MAPK9: variants seen among roughly 807,000 people sequenced by gnomAD.
MAPK9 encodes mitogen-activated protein kinase 9.
Under a neutral mutation model 57.1 loss-of-function variants are expected in MAPK9, and 30 were observed. The ratio of observed to expected loss-of-function variants is 0.53; its 90% confidence interval spans 0.39 to 0.71. The LOEUF (loss-of-function observed/expected upper bound fraction) is 0.71, where lower values mean the gene tolerates loss of function less well. MAPK9 is among the 30% of genes least tolerant of loss of function. The probability of loss-of-function intolerance (pLI) is 0.00; values close to 1 mark genes in which losing one functional copy is unlikely to be tolerated. For missense variants in MAPK9, 362 were observed against 521.0 expected (o/e 0.69, Z 2.97); for synonymous variants, 155 against 177.0 (o/e 0.88, Z 0.99).
chr5:180,268,033 C>T, intron 3 of MAPK9, among the ~76,000 whole-genome samples: 1 of 151,980 alleles, frequency 6.6e-6, no homozygotes. Context: ...ACCATGTTAG[C>T]CAGGATGGTC....
At chr5:180,253,961 C>CCCT (rs1758988333) in intron 5 of MAPK9, among the ~76,000 whole-genome samples, 1 of 77,784 alleles carries the variant, frequency 1.3e-5, no homozygotes, top group East Asian at 4.3e-4. Context: ...ATGCTTCAAT[C>CCCT]TCTTTTTTTT....
At chr5:180,267,262 A>G (rs1760666907) in intron 3 of MAPK9, among the ~76,000 whole-genome samples, 1 of 152,072 alleles carries the variant, frequency 6.6e-6, no homozygotes, top group Admixed American at 6.5e-5. Context: ...AAATTTTTTA[A>G]ATAAGTAAGT....
At chr5:180,267,561 CAAAA>C (rs34776289) in intron 3 of MAPK9, among the ~76,000 whole-genome samples, 2 of 89,858 alleles carry the variant, frequency 2.2e-5, no homozygotes, top group African/African-American at 4.4e-5. Flanking sequence ...GACTCCGTCT[CAAAA>C]AAAAAAAAAA....
At chr5:180,263,315 CCCTT>C (rs1452583255) in intron 4 of MAPK9, among the ~76,000 whole-genome samples, 2 of 152,162 alleles carry the variant, frequency 1.3e-5, no homozygotes, top group African/African-American at 4.8e-5. Context: ...TCCCCTCTCA[CCCTT>C]CCTATTACCC....
rs1191259803 is a variant in MAPK9, at chr5:180,235,401, G to A, written c.*983C>T. On this transcript the variant is annotated 3_prime_UTR_variant, in exon 12 of 12. Transcript: ENST00000452135. ...GAAGGTAAATAAAGGACCCAGGCCA[G>A]TCTGTGGCAAAGGAAGCACTTAGGA... 2 of 152,230 alleles carry A rather than the reference G, an allele frequency of 1.3e-5. No homozygotes were observed. Among genetic ancestry groups the A allele is most frequent in the Admixed American group, 6.5e-5 (1 of 15,286 alleles). The allele number at this position is 152,230 out of a possible 1,614,324, so 9.4% of individuals were successfully genotyped here.
At position 180,235,543 on chromosome 5, in the gene MAPK9, TA is replaced by T. The variant is rs1757111843; in HGVS notation, c.*840del. 6.6e-6 allele frequency: 1 copy of T among 152,164 alleles called. No homozygotes were observed. The highest frequency in any genetic ancestry group is 1.5e-5 in the Non-Finnish European group (1 of 68,022). 9.4% of individuals were successfully genotyped at this position (152,164 alleles called of 1,614,324 possible). A position where few individuals can be genotyped will look rare whatever the true frequency, so the allele number is the denominator to read the frequency against. On this transcript the variant is annotated 3_prime_UTR_variant, in exon 12 of 12. Coordinates refer to ENST00000452135, the MANE Select transcript of MAPK9 (RefSeq NM_002752.5). ...TTAAGATGGAGTGTTACGCACCTAA[TA>T]AAGAAGGTGAAGTTCTAGGTAGCAT...
chr5:180,286,638 A>G (rs1412653664), intron 1 of MAPK9, among the ~76,000 whole-genome samples: 1 of 148,976 alleles, frequency 6.7e-6, no homozygotes, highest in Non-Finnish European at 1.5e-5. Flanking sequence ...GATCTCCGTC[A>G]CCAGCCCCAC....
chr5:180,273,070 T>G (rs1761491320), intron 2 of MAPK9, among the ~76,000 whole-genome samples: 1 of 152,224 alleles, frequency 6.6e-6, no homozygotes, highest in African/African-American at 2.4e-5. Context: ...CAGCTTAGTT[T>G]CTAACCATTC....
intron 5 of MAPK9, among the ~76,000 whole-genome samples, chr5:180,259,644 C>G (rs1446391755): frequency 6.6e-6 from 1 of 151,918 alleles, no homozygotes; most frequent in Non-Finnish European, 1.5e-5. Context: ...GGAATGTGGT[C>G]AAGTCTCCAG....
At chr5:180,281,169 C>T (rs757376187) in intron 1 of MAPK9, among the ~76,000 whole-genome samples, 25 of 152,366 alleles carry the variant, frequency 1.6e-4, no homozygotes, top group Non-Finnish European at 2.9e-4. Context: ...TGCCCAAGCA[C>T]GTGCTCCTGC....
Position 180,236,469 on chromosome 5 carries a change from G to A in MAPK9, c.1190C>T (p.Ser397Leu). The A allele has an allele frequency of 6.2e-7, 1 of 1,614,144 alleles. No homozygotes were observed. The highest frequency in any genetic ancestry group is 2.2e-5 in the East Asian group (1 of 44,890). Residue 397 changes from serine (S) to leucine (L), a missense_variant, in exon 12 of 12, where the codon TCA becomes TTA. By Grantham distance (145) the Ser-to-Leu change is moderately radical (BLOSUM62 -2). Around this residue, in one of 3 missense-constraint regions of MAPK9, gnomAD observed 199 missense variants for 251.3 expected, o/e 0.79. Transcript: ENST00000452135. ...PSQSSSINDI[S>L]SMSTEQTLAS... ...CAGCGTCTGCTCAGTGGACATGGAT[G>A]AAATGTCATTGATCGATGAAGACTG...
In MAPK9 at chr5:180,247,952, C is replaced by A. The variant is rs1461047120; in HGVS notation, c.617-442G>T. ...CTACCAAACACCAGGGGATTAAAAA[C>A]CAGCTAGAGTCCCCCATCTTTTTTC... On this transcript the variant is annotated intron_variant, in intron 6 of 11. Transcript: ENST00000452135. The surrounding 1 kb of genome is among the most constrained non-coding windows in gnomAD (Gnocchi z 4.5). 1 of 1,607,398 alleles carries A rather than the reference C, an allele frequency of 6.2e-7. No homozygotes were observed.
intron 1 of MAPK9, 141 bp from the exon 2 acceptor site, chr5:180,280,749 G>T: frequency 1.6e-6 from 1 of 611,068 alleles, no homozygotes; most frequent in Non-Finnish European, 2.6e-6. Flanking sequence ...CTGAACTTAA[G>T]CAAGACACAA....
intron 6 of MAPK9, chr5:180,248,051 AC>A (rs2127581925): frequency 1.3e-6 from 1 of 774,472 alleles, no homozygotes; most frequent in Non-Finnish European, 2.1e-6. Flanking sequence ...CGTTGTTGAT[AC>A]CACACCTCCT....
intron 2 of MAPK9, among the ~76,000 whole-genome samples, chr5:180,270,334 T>C (rs897593732): frequency 1.3e-5 from 2 of 152,248 alleles, no homozygotes; most frequent in African/African-American, 4.8e-5. Context: ...TGTTTTAAAG[T>C]TGAAGGCTAT....
chr5:180,265,722 C>A (rs369661372), intron 3 of MAPK9, among the ~76,000 whole-genome samples: 1 of 152,168 alleles, frequency 6.6e-6, no homozygotes, highest in Non-Finnish European at 1.5e-5. Flanking sequence ...GCGAGTCCCA[C>A]GGCTTAGGCA....
intron 1 of MAPK9, among the ~76,000 whole-genome samples, chr5:180,284,136 A>G (rs573408760): frequency 6.6e-6 from 1 of 152,216 alleles, no homozygotes; most frequent in Non-Finnish European, 1.5e-5. Context: ...TATTGAGATG[A>G]TATTTCAACA....
At chr5:180,285,848 G>C (rs1456782676) in intron 1 of MAPK9, among the ~76,000 whole-genome samples, 10 of 152,108 alleles carry the variant, frequency 6.6e-5, no homozygotes, top group African/African-American at 2.4e-4. Flanking sequence ...GGAGGCTGTG[G>C]CGTGTGGATC....
chr5:180,276,222 A>G (rs978285037), intron 2 of MAPK9, among the ~76,000 whole-genome samples: 3 of 152,228 alleles, frequency 2.0e-5, no homozygotes, highest in Non-Finnish European at 4.4e-5. Flanking sequence ...CCATGTTAAG[A>G]ACAGGCCAGT....
Sources: allele counts gnomAD v4.1 joint callset (sites outside exome capture counted in the v4.1 genomes callset), GRCh38; gene constraint gnomAD v4.1.1; regional missense constraint gnomAD v4.1.1; non-coding constraint Gnocchi (gnomAD v3.1); transcripts MANE v1.5; gene names NCBI Gene and HGNC (gene_info 2026-07-23, HGNC 2026-07-21).